The following ABCC1 variants were observed in gnomAD, a reference collection of about 807,000 sequenced individuals.
The protein encoded by ABCC1 is multidrug resistance-associated protein 1.
In ABCC1, 83 loss-of-function variants were observed where a neutral mutation model predicts 172.9. The ratio of observed to expected loss-of-function variants is 0.48; its 90% CI spans 0.40 to 0.58. ABCC1 has a LOEUF of 0.58. ABCC1 is among the 20% of genes least tolerant of loss of function. The pLI is 0.00. For synonymous variants in ABCC1, 937 were observed against 825.2 expected, an observed-to-expected ratio of 1.14 and a Z score of -2.32; for missense variants, 1,817 against 2,002.7, an observed-to-expected ratio of 0.91 and a Z score of 1.77.
At chr16:16,069,107 A>G (rs1159330564) in intron 13 of ABCC1, among the ~76,000 whole-genome samples, 10 of 150,578 alleles carry the variant, frequency 6.6e-5, no homozygotes. Flanking sequence ...CAGGAGTTTG[A>G]GACTAGCCTG....
At chr16:16,010,612 C>T (rs1555481571) in intron 3 of ABCC1, among the ~76,000 whole-genome samples, 4 of 152,138 alleles carry the variant, frequency 2.6e-5, no homozygotes, top group Non-Finnish European at 5.9e-5. Context: ...TAGTGAGTGA[C>T]AGAGACAAGG....
In ABCC1 at chr16:16,018,889, G is replaced by A. The variant is rs535668193; in HGVS notation, c.615+2268G>A. 7.9e-5 allele frequency among the ~76,000 whole-genome samples: 12 copies of A among 152,164 alleles called. No homozygotes were observed. In the South Asian group the frequency reaches 2.5e-3, roughly 32 times the overall value. On this transcript the variant is annotated intron_variant, in intron 5 of 30. Transcript: ENST00000399410. ...ATGGTGACTCATGCCTGTAATCCCA[G>A]CACTTTGAAAGGCCAAGGCTAGAGG... is the stretch of plus-strand genomic sequence containing the variant.
At chr16:16,084,137 C>T (rs916183846) in intron 17 of ABCC1, among the ~76,000 whole-genome samples, 2 of 152,116 alleles carry the variant, frequency 1.3e-5, no homozygotes, top group Non-Finnish European at 2.9e-5. Context: ...GAGTCTTGCT[C>T]TCTTGCCCAG....
Position 15,999,438 on chromosome 16 carries a change from A to C in ABCC1, c.49-8378A>C, listed in dbSNP as rs185056582. Among the ~76,000 whole-genome samples the C allele has an allele frequency of 2.1e-3, 316 of 151,798 alleles. 2 individuals are homozygous for C. Among genetic ancestry groups the C allele is most frequent in the African/African-American group, 7.0e-3 (288 of 41,436 alleles). Reference sequence around the variant, plus strand: ...CCAGGACAGCCTGACCAACATGGAGAAACCCCATCTCTACTAAAAATACGA... The same window carrying C: ...CCAGGACAGCCTGACCAACATGGAGCAACCCCATCTCTACTAAAAATACGA... On this transcript the variant is annotated intron_variant, in intron 1 of 30. Coordinates refer to ENST00000399410, the MANE Select transcript of ABCC1 (RefSeq NM_004996.4).
At chr16:16,141,107 T>C (rs969435340) in intron 30 of ABCC1, 66 bp from the exon 31 acceptor site, 1 of 1,444,534 alleles carries the variant, frequency 6.9e-7, no homozygotes, top group East Asian at 2.3e-5. Context: ...CCCAGGTCAG[T>C]TGTCCCAGGG....
At chr16:15,953,381 T>C (rs1484319180) in intron 1 of ABCC1, among the ~76,000 whole-genome samples, 1 of 152,014 alleles carries the variant, frequency 6.6e-6, no homozygotes, top group Non-Finnish European at 1.5e-5. Flanking sequence ...TTGGAAATTA[T>C]GGAAAAGCAG....
At chr16:16,008,602 C>A (rs2047648658) in intron 2 of ABCC1, among the ~76,000 whole-genome samples, 2 of 151,616 alleles carry the variant, frequency 1.3e-5, no homozygotes, top group Middle Eastern at 3.4e-3. Flanking sequence ...CGCCTGTAAT[C>A]CCAGCACTTT....
intron 11 of ABCC1, 43 bp from the exon 12 acceptor site, chr16:16,056,049 C>T: frequency 6.3e-7 from 1 of 1,577,610 alleles, no homozygotes; most frequent in Non-Finnish European, 8.7e-7. Flanking sequence ...ATGGGCTGAT[C>T]CCAGGGTCGC....
intron 22 of ABCC1, among the ~76,000 whole-genome samples, chr16:16,112,699 C>G (rs763801483): frequency 6.6e-6 from 1 of 152,196 alleles, no homozygotes; most frequent in African/African-American, 2.4e-5. Context: ...ATCCACTGTG[C>G]TACGCAGTAT....
intron 11 of ABCC1, among the ~76,000 whole-genome samples, chr16:16,054,954 G>A (rs2049587681): frequency 6.6e-6 from 1 of 152,180 alleles, no homozygotes; most frequent in Admixed American, 6.5e-5. Context: ...CATGGGCCAG[G>A]CACAGGGGCT....
chr16:16,132,925 AG>A (rs1477552190), intron 27 of ABCC1, among the ~76,000 whole-genome samples: 1 of 152,144 alleles, frequency 6.6e-6, no homozygotes, highest in Non-Finnish European at 1.5e-5. Context: ...TGGCAACATC[AG>A]GTCAATCCTC....
chr16:16,110,362 G>C (rs1278332804), intron 21 of ABCC1, among the ~76,000 whole-genome samples: 2 of 151,948 alleles, frequency 1.3e-5, no homozygotes, highest in African/African-American at 4.8e-5. Context: ...GGGATTACAG[G>C]TGTGTGAGCC....
At chr16:16,136,858 A>G (rs2045934952) in intron 29 of ABCC1, among the ~76,000 whole-genome samples, 1 of 152,192 alleles carries the variant, frequency 6.6e-6, no homozygotes, top group Admixed American at 6.5e-5. Context: ...CAGGATGACC[A>G]GTACATTTCC....
chr16:16,092,600 A>G (rs984048828), intron 19 of ABCC1, among the ~76,000 whole-genome samples: 3 of 152,122 alleles, frequency 2.0e-5, no homozygotes, highest in African/African-American at 4.8e-5. Flanking sequence ...GATAGACCAT[A>G]CTGTGTTGAT....
chr16:16,104,837 G>A (rs550994675), intron 20 of ABCC1, among the ~76,000 whole-genome samples: 12 of 152,310 alleles, frequency 7.9e-5, no homozygotes, highest in East Asian at 1.9e-4. Context: ...GCTAAAGCCC[G>A]GTGAGAAATC....
chr16:16,033,872 G>T (rs1597147128), intron 6 of ABCC1, among the ~76,000 whole-genome samples: 1 of 152,054 alleles, frequency 6.6e-6, no homozygotes, highest in African/African-American at 2.4e-5. Flanking sequence ...TGATCCACCC[G>T]CATCGACTTC....
chr16:15,983,552 C>CTTT (rs11416710), intron 1 of ABCC1, among the ~76,000 whole-genome samples: 71,696 of 126,084 alleles, frequency 0.57, 21,272 homozygotes, highest in South Asian at 0.68. Flanking sequence ...GTACACCACA[C>CTTT]TTTTTTTTTT....
chr16:16,072,484 C>CT (rs5815852), intron 14 of ABCC1, among the ~76,000 whole-genome samples: 92,329 of 142,156 alleles, frequency 0.65, 30,082 homozygotes, highest in Non-Finnish European at 0.68. Flanking sequence ...TTCTCCTGGC[C>CT]TTTTTTTTTT....
At chr16:16,106,228 T>G (rs1340904163) in intron 20 of ABCC1, among the ~76,000 whole-genome samples, 1 of 152,074 alleles carries the variant, frequency 6.6e-6, no homozygotes, top group East Asian at 1.9e-4. Context: ...TCAGGCAAGA[T>G]CCCACCCCAG....
Sources: allele counts gnomAD v4.1 joint callset (sites outside exome capture counted in the v4.1 genomes callset), GRCh38; gene constraint gnomAD v4.1.1; transcripts MANE v1.5; gene names NCBI Gene and HGNC (gene_info 2026-07-23, HGNC 2026-07-21).